The following CAMSAP1 variants were observed in gnomAD, a reference collection of about 807,000 sequenced individuals.
The protein encoded by CAMSAP1 is calmodulin-regulated spectrin-associated protein 1.
Under a neutral mutation model 143.5 loss-of-function variants are expected in CAMSAP1, and 58 were observed. The observed-to-expected ratio is 0.40, with a 90% CI of 0.33 to 0.50. CAMSAP1 has a LOEUF of 0.50. Ranked by LOEUF, CAMSAP1 falls within the 20% of genes least tolerant of loss-of-function variation. CAMSAP1 has a pLI of 0.45. For missense variants in CAMSAP1, 1,969 were observed against 2,115.7 expected (o/e 0.93, Z 1.36); for synonymous variants, 945 against 859.3 (o/e 1.10, Z -1.74).
At chr9:135,837,363 G>A (rs1015426258) in intron 7 of CAMSAP1, among the ~76,000 whole-genome samples, 21 of 139,760 alleles carry the variant, frequency 1.5e-4, no homozygotes, top group Non-Finnish European at 2.4e-4. Context: ...ACTTTCTACC[G>A]GTTCTACAGA....
chr9:135,825,418 T>C (rs1459461393), intron 8 of CAMSAP1, among the ~76,000 whole-genome samples: 1 of 152,098 alleles, frequency 6.6e-6, no homozygotes, highest in African/African-American at 2.4e-5. Context: ...TAGAGGACAA[T>C]ATGGCAATAT....
At chr9:135,827,634 A>G in intron 7 of CAMSAP1, 50 bp from the exon 8 acceptor site, 1 of 1,448,848 alleles carries the variant, frequency 6.9e-7, no homozygotes, top group Non-Finnish European at 9.2e-7. Context: ...AACTGGAAGC[A>G]CAGAAAACCT....
intron 16 of CAMSAP1, among the ~76,000 whole-genome samples, chr9:135,812,955 CAA>C (rs753419702): frequency 7.4e-5 from 9 of 121,804 alleles, no homozygotes; most frequent in South Asian, 2.7e-4. Flanking sequence ...GACTCCATCT[CAA>C]AAAAAAAAAA....
Position 135,820,696 on chromosome 9 carries a change from C to A in CAMSAP1, c.3822+143G>T, listed in dbSNP as rs924049499. The A allele has an allele frequency of 3.2e-5, 35 of 1,085,584 alleles. No homozygotes were observed. Among genetic ancestry groups the A allele is most frequent in the Non-Finnish European group, 1.6e-5 (12 of 769,676 alleles). 67.2% of individuals were successfully genotyped at this position (1,085,584 alleles called of 1,614,324 possible). On this transcript the variant is annotated intron_variant, in intron 11 of 16. Coordinates refer to ENST00000389532, the MANE Select transcript of CAMSAP1 (RefSeq NM_015447.4). The surrounding 1 kb of genome is among the most constrained non-coding windows in gnomAD (Gnocchi z 4.4). ...AGTCCTCGGGACAGAGACTCTGTGG[C>A]CCACAAAGCTAAACACACACATCCC... is the stretch of plus-strand genomic sequence containing the variant.
chr9:135,821,159 T>G lies in CAMSAP1; in HGVS notation c.3502A>C (p.Ser1168Arg). ...GDPHGKCLFD[S>R]YRLHDESNQR... The stretch of plus-strand genomic sequence containing the variant: ...TTGCTTTCATCATGGAGCCTGTAAC[T>G]GTCGAAGAGACACTTCCCATGTGGG... The change falls in exon 11 of 17, where the codon AGT becomes CGT. Residue 1168 changes from serine (S) to arginine (R), a missense_variant. By Grantham distance (110) the Ser-to-Arg change is moderately radical. Around this residue, in one of 4 missense-constraint regions of CAMSAP1, gnomAD observed 1,390 missense variants for 1,420.8 expected, o/e 0.98. Transcript: ENST00000389532. The surrounding 1 kb of genome is among the most constrained non-coding windows in gnomAD (Gnocchi z 4.6). 1 of 1,611,908 alleles carries G rather than the reference T, an allele frequency of 6.2e-7. No homozygotes were observed. Among genetic ancestry groups the G allele is most frequent in the Non-Finnish European group, 8.5e-7 (1 of 1,179,892 alleles).
chr9:135,904,345 A>G (rs113850928), intron 1 of CAMSAP1, among the ~76,000 whole-genome samples: 6,138 of 146,702 alleles, frequency 0.042, 426 homozygotes, highest in African/African-American at 0.15. Flanking sequence ...GTTGCAGTGA[A>G]CCGAGGTCAC....
At chr9:135,854,473 CTTTTTT>C (rs111395128) in intron 5 of CAMSAP1, among the ~76,000 whole-genome samples, 7 of 147,546 alleles carry the variant, frequency 4.7e-5, no homozygotes, top group African/African-American at 1.7e-4. Flanking sequence ...TTTGCCAAAA[CTTTTTT>C]TTTTTTGAGA....
At chr9:135,853,236 C>A (rs1836840550) in intron 5 of CAMSAP1, among the ~76,000 whole-genome samples, 1 of 152,082 alleles carries the variant, frequency 6.6e-6, no homozygotes, top group Admixed American at 6.5e-5. Context: ...CCTTACTCTT[C>A]GAAAACATCA....
chr9:135,887,924 G>A (rs1838176870), intron 1 of CAMSAP1, among the ~76,000 whole-genome samples: 1 of 152,224 alleles, frequency 6.6e-6, no homozygotes, highest in Admixed American at 6.5e-5. Context: ...CTGGACTGCT[G>A]TGGGGCAGGC....
At chr9:135,867,939 A>G (rs1219787690) in intron 3 of CAMSAP1, among the ~76,000 whole-genome samples, 1 of 152,204 alleles carries the variant, frequency 6.6e-6, no homozygotes, top group Non-Finnish European at 1.5e-5. Context: ...GGCTGCAGAC[A>G]AGACAACGGT....
At chr9:135,851,401 G>T (rs989615837) in intron 5 of CAMSAP1, among the ~76,000 whole-genome samples, 3 of 152,162 alleles carry the variant, frequency 2.0e-5, no homozygotes. Context: ...ATTCTCAAAA[G>T]AAAACTTTAA....
At chr9:135,892,330 C>CA (rs1838314178) in intron 1 of CAMSAP1, among the ~76,000 whole-genome samples, 1 of 151,928 alleles carries the variant, frequency 6.6e-6, no homozygotes, top group African/African-American at 2.4e-5. Context: ...ACAAAAAAGA[C>CA]ACGATTAAAA....
intron 5 of CAMSAP1, among the ~76,000 whole-genome samples, chr9:135,853,298 G>A (rs1458880684): frequency 6.6e-6 from 1 of 152,202 alleles, no homozygotes; most frequent in Non-Finnish European, 1.5e-5. Context: ...GGGAAACTAT[G>A]AGGGGACGCT....
chr9:135,832,098 C>G (rs1272492511), intron 7 of CAMSAP1, among the ~76,000 whole-genome samples: 1 of 152,186 alleles, frequency 6.6e-6, no homozygotes, highest in Non-Finnish European at 1.5e-5. Context: ...ATACCAAAGG[C>G]AGACATAGAC....
intron 1 of CAMSAP1, among the ~76,000 whole-genome samples, chr9:135,901,900 T>G (rs1349941053): frequency 6.6e-6 from 1 of 152,120 alleles, no homozygotes; most frequent in Non-Finnish European, 1.5e-5. Flanking sequence ...CTCAACAAGG[T>G]TAATCTACTC....
In CAMSAP1 at chr9:135,848,525, TCACACATGCA is replaced by T. The variant is rs1836658986; in HGVS notation, c.1045+1602_1045+1611del. Among the ~76,000 whole-genome samples the T allele has an allele frequency of 4.7e-5, 7 of 150,042 alleles. No individual in the cohort carries two copies. In the South Asian group the frequency reaches 1.5e-3, roughly 31 times the overall value. On this transcript the variant is annotated intron_variant, in intron 7 of 16. Transcript: ENST00000389532. Reference sequence around the variant, plus strand: ...CCCAGACACACACACACACACACGCTCACACATGCACACACACGCATGCACACACATACAC... The same window carrying T: ...CCCAGACACACACACACACACACGCTCACACACGCATGCACACACATACAC...
At chr9:135,848,369 C>T (rs1836651767) in intron 7 of CAMSAP1, among the ~76,000 whole-genome samples, 4 of 152,070 alleles carry the variant, frequency 2.6e-5, no homozygotes, top group Admixed American at 2.0e-4. Flanking sequence ...AGAGAAACTG[C>T]ATAAAACGTA....
chr9:135,879,421 A>G (rs184680536), intron 3 of CAMSAP1, among the ~76,000 whole-genome samples: 55 of 152,266 alleles, frequency 3.6e-4, no homozygotes, highest in Admixed American at 1.2e-3. Flanking sequence ...AAATACGGGC[A>G]AAGATAACAA....
Position 135,822,822 on chromosome 9 carries a change from A to T in CAMSAP1, c.1839T>A (p.Asp613Glu), listed in dbSNP as rs778542154. The T allele has an allele frequency of 6.2e-7, 1 of 1,613,840 alleles. No homozygotes were observed. The highest frequency in any genetic ancestry group is 8.5e-7 in the Non-Finnish European group (1 of 1,179,850). ...AKEKQVITKE[D>E]ERGEGRPRSI... ...TCCTCGGTCTCCCTTCCCCCCGTTCATCCTCCTTGGTGATCACCTGCTTCT... is the reference window on the plus strand; with the variant it reads ...TCCTCGGTCTCCCTTCCCCCCGTTCTTCCTCCTTGGTGATCACCTGCTTCT... Residue 613 changes from aspartate (D) to glutamate (E), a missense_variant, in exon 11 of 17, where the codon GAT becomes GAA. By Grantham distance (45) the Asp-to-Glu change is conservative (BLOSUM62 2). This residue lies in a region of CAMSAP1 where 1,390 missense variants were observed against 1,420.8 expected (regional missense o/e 0.98). Transcript: ENST00000389532. The surrounding 1 kb of genome is among the most constrained non-coding windows in gnomAD (Gnocchi z 6.1).
Sources: gnomAD v4.1 joint callset for allele counts (sites outside exome capture counted in the v4.1 genomes callset) on GRCh38, gnomAD v4.1.1 for gene constraint, gnomAD v4.1.1 regional missense constraint, Gnocchi (gnomAD v3.1) non-coding constraint, MANE v1.5 for transcripts, NCBI Gene and HGNC (gene_info 2026-07-23, HGNC 2026-07-21) for gene names.